The following CP variants were observed in gnomAD, a reference collection of about 807,000 sequenced individuals.
CP encodes the protein ceruloplasmin, also known as caeruloplasmin.
In CP, 64 loss-of-function variants were observed where a neutral mutation model predicts 122.4. That is an observed-to-expected ratio of 0.52 (90% CI 0.43 to 0.64). The LOEUF is 0.64. CP is among the 30% of genes least tolerant of loss of function. The pLI is 0.00. For synonymous variants in CP, 440 were observed against 436.4 expected (o/e 1.01, Z -0.10); for missense variants, 1,167 against 1,284.4 (o/e 0.91, Z 1.40).
intron 1 of CP, among the ~76,000 whole-genome samples, chr3:149,217,319 T>G (rs1490008627): frequency 6.6e-6 from 1 of 152,182 alleles, no homozygotes; most frequent in Non-Finnish European, 1.5e-5. Flanking sequence ...TTAAAAATCA[T>G]TTTTGAAGGG....
chr3:149,205,665 A>T (rs2108286092), intron 6 of CP, among the ~76,000 whole-genome samples: 1 of 152,298 alleles, frequency 6.6e-6, no homozygotes, highest in Admixed American at 6.5e-5. Flanking sequence ...GTATGATTCC[A>T]CTTGTATGAG....
intron 2 of CP, among the ~76,000 whole-genome samples, 193 bp downstream of exon 2, chr3:149,212,258 C>G (rs1452363745): frequency 6.6e-6 from 1 of 151,772 alleles, no homozygotes; most frequent in East Asian, 1.9e-4. Context: ...TTGCAGTGAT[C>G]CGAGGTCGTG....
At position 149,180,008 on chromosome 3, in the gene CP, A is replaced by G. The variant is rs555206592; in HGVS notation, c.2555-346T>C. 7.9e-5 allele frequency: 22 copies of G among 277,842 alleles called. No individual in the cohort carries two copies. In the South Asian group the frequency reaches 8.8e-4, roughly 11 times the overall value. 17.2% of individuals were successfully genotyped at this position (277,842 alleles called of 1,614,324 possible). A position where few individuals can be genotyped will look rare whatever the true frequency, so the allele number is the denominator to read the frequency against. On this transcript the variant is annotated intron_variant, in intron 14 of 18. Transcript: ENST00000264613. The stretch of plus-strand genomic sequence containing the variant: ...AGCTTGAAGTGTGTTTTCCTAATAT[A>G]CTTTTTTCTCTTCAGATACCAAGTG...
At chr3:149,184,017 TTCAC>T (rs1559939265) in intron 12 of CP, among the ~76,000 whole-genome samples, 1 of 142,228 alleles carries the variant, frequency 7.0e-6, no homozygotes. Context: ...GCATTCCCTT[TTCAC>T]TTACTTCTTT....
intron 10 of CP, 53 bp downstream of exon 10, chr3:149,187,999 A>C (rs1231001299): frequency 2.5e-6 from 4 of 1,577,536 alleles, no homozygotes; most frequent in Non-Finnish European, 3.5e-6. Context: ...TAAAAGCATT[A>C]CATATGCAGT....
intron 1 of CP, among the ~76,000 whole-genome samples, chr3:149,215,844 C>T (rs1224684535): frequency 6.6e-6 from 1 of 152,106 alleles, no homozygotes; most frequent in African/African-American, 2.4e-5. Context: ...GACATATCTC[C>T]CTTCAAGTAA....
intron 14 of CP, among the ~76,000 whole-genome samples, chr3:149,180,525 T>C (rs1725708691): frequency 6.6e-6 from 1 of 152,202 alleles, no homozygotes; most frequent in African/African-American, 2.4e-5. Context: ...CCCATTTATT[T>C]AGACCACACC....
intron 9 of CP, among the ~76,000 whole-genome samples, chr3:149,193,076 G>T (rs1726653056): frequency 6.6e-6 from 1 of 151,820 alleles, no homozygotes; most frequent in South Asian, 2.1e-4. Flanking sequence ...CTCTGACATT[G>T]TCTCTTCTTT....
chr3:149,186,305 C>G, intron 11 of CP: 1 of 591,060 alleles, frequency 1.7e-6, no homozygotes. Context: ...ACACCATGTT[C>G]TTTTACTCCA....
intron 4 of CP, chr3:149,166,197 T>C (rs1724395866): frequency 2.8e-6 from 1 of 352,446 alleles, no homozygotes; most frequent in South Asian, 2.2e-5. Context: ...ATTGGTAAAG[T>C]TGTAAATTCT....
At chr3:149,184,101 T>A (rs1725986918) in intron 12 of CP, among the ~76,000 whole-genome samples, 1 of 135,370 alleles carries the variant, frequency 7.4e-6, no homozygotes, top group South Asian at 2.5e-4. Flanking sequence ...AGTGGCGTGA[T>A]CTCCGCTCAC....
rs1243367010 is a variant in CP, at chr3:149,177,989, G to A, written c.2879-10C>T. The A allele has an allele frequency of 6.2e-7, 1 of 1,611,600 alleles. No individual in the cohort carries two copies. The highest frequency in any genetic ancestry group is 8.5e-7 in the Non-Finnish European group (1 of 1,177,866). ...ATTCTTCCATTAATAGCTAGGGAAA[G>A]CATATGGTTTTATGTTACTTTTCAG... On this transcript the variant is annotated splice_polypyrimidine_tract_variant and intron_variant, in intron 16 of 18. Transcript: ENST00000264613.
downstream of CP, among the ~76,000 whole-genome samples, chr3:149,167,587 C>A (rs1262766753): frequency 1.3e-5 from 2 of 151,678 alleles, no homozygotes; most frequent in African/African-American, 4.8e-5. Context: ...TCTTTTTTTT[C>A]TTCATTCCTT....
rs190296441 is a variant in CP, at chr3:149,182,262, C to T, written c.2426-129G>A. 162 of 1,003,230 alleles carry T rather than the reference C, an allele frequency of 1.6e-4. No individual in the cohort carries two copies. In the African/African-American group the frequency reaches 2.0e-3, roughly 12 times the overall value. The allele number at this position is 1,003,230 out of a possible 1,614,324, so 62.1% of individuals were successfully genotyped here. On this transcript the variant is annotated intron_variant, in intron 13 of 18. Coordinates refer to ENST00000264613, the MANE Select transcript of CP (RefSeq NM_000096.4). ...GTATAATACTCTTGGATTTATACTG[C>T]GTCCCAGGGAATTTGGAATCAATAC...
At chr3:149,217,447 T>C (rs1728539257) in intron 1 of CP, among the ~76,000 whole-genome samples, 1 of 152,096 alleles carries the variant, frequency 6.6e-6, no homozygotes, top group Admixed American at 6.5e-5. Context: ...TTCGAATCTG[T>C]AACTAGAGAC....
At chr3:149,210,470 T>G in intron 2 of CP, 91 bp from the exon 3 acceptor site, 2 of 1,095,058 alleles carry the variant, frequency 1.8e-6, no homozygotes, top group Non-Finnish European at 2.8e-6. Context: ...CAGCAAACAT[T>G]TATTAAACAT....
rs1221211671 is a variant in CP at position 149,207,472 on chromosome 3, GTAGTTCTTGT to G, written c.917_926del (p.Asn306ThrfsTer33). 1.2e-6 allele frequency: 2 copies of G among 1,613,854 alleles called. No individual in the cohort carries two copies. Among genetic ancestry groups the G allele is most frequent in the East Asian group, 4.5e-5 (2 of 44,888 alleles). On this transcript the variant is annotated frameshift_variant, in exon 5 of 19. Coordinates refer to ENST00000264613, the MANE Select transcript of CP (RefSeq NM_000096.4). LOFTEE classifies it high-confidence loss of function. ...GAAAGAGGTTGATTGTGTCAATACGGTAGTTCTTGTTAGTCAGTGCTTGCCCGTGAAAGAA... is the reference window on the plus strand; with the variant it reads ...GAAAGAGGTTGATTGTGTCAATACGGTAGTCAGTGCTTGCCCGTGAAAGAA...
chr3:149,163,048 C>G (rs1422923689), intron 5 of CP, among the ~76,000 whole-genome samples: 1 of 152,060 alleles, frequency 6.6e-6, no homozygotes, highest in African/African-American at 2.4e-5. Flanking sequence ...CTGAAGTGGC[C>G]TACATTTTAA....
At chr3:149,192,608 A>AT (rs903892712) in intron 9 of CP, among the ~76,000 whole-genome samples, 1 of 152,030 alleles carries the variant, frequency 6.6e-6, no homozygotes, top group Admixed American at 6.6e-5. Flanking sequence ...GAATATGAAA[A>AT]AACACACACA....
Sources: allele counts gnomAD v4.1 joint callset (sites outside exome capture counted in the v4.1 genomes callset), GRCh38; gene constraint gnomAD v4.1.1; transcripts MANE v1.5; gene names NCBI Gene and HGNC (gene_info 2026-07-23, HGNC 2026-07-21).